Variants in CENPV observed in about 807,000 individuals in gnomAD.
CENPV encodes the protein centromere protein V.
Under a neutral mutation model 26.4 loss-of-function variants are expected in CENPV, and 15 were observed. That is an observed-to-expected ratio of 0.57 (90% CI 0.38 to 0.88). The LOEUF (loss-of-function observed/expected upper bound fraction) is 0.88. Among genes scored for constraint, CENPV ranks in the 40% least tolerant of loss-of-function variants. CENPV has a pLI of 0.00. For synonymous variants in CENPV, 172 were observed against 165.5 expected (o/e 1.04, Z -0.30); for missense variants, 336 against 376.5 (o/e 0.89, Z 0.89).
chr17:16,344,585 C>A lies in CENPV; in HGVS notation c.694+12G>T, dbSNP rs554915057. 4.0e-6 allele frequency: 6 copies of A among 1,513,636 alleles called. No homozygotes were observed. Among genetic ancestry groups the A allele is most frequent in the Non-Finnish European group, 5.4e-6 (6 of 1,117,054 alleles). 93.8% of individuals were successfully genotyped at this position (1,513,636 alleles called of 1,614,324 possible). On this transcript the variant is annotated intron_variant, in intron 4 of 4. Transcript: ENST00000299736. ...TGTCCCCCTGAGCTTGCAGTCCATC[C>A]CCTTTACTCACCGAAGCCTCCGGGG...
chr17:16,345,386 T>G (rs1043469590), intron 3 of CENPV, among the ~76,000 whole-genome samples: 3 of 149,586 alleles, frequency 2.0e-5, no homozygotes, highest in Non-Finnish European at 4.4e-5. Flanking sequence ...CTGGGCAACA[T>G]GGCAAAACCC....
chr17:16,342,703 A>T lies in CENPV; in HGVS notation c.*114T>A. The T allele has an allele frequency of 7.7e-7, 1 of 1,301,672 alleles. No individual in the cohort carries two copies. The highest frequency in any genetic ancestry group is 1.1e-6 in the Non-Finnish European group (1 of 919,388). The allele number at this position is 1,301,672 out of a possible 1,614,324, so 80.6% of individuals were successfully genotyped here. A position where few individuals can be genotyped will look rare whatever the true frequency, so the allele number is the denominator to read the frequency against. ...GCAGAGATCAAGATGACCCTAGTCA[A>T]CGGAACCAGCAGCCCAGGTCAGCCA... On this transcript the variant is annotated 3_prime_UTR_variant, in exon 5 of 5. Transcript: ENST00000299736.
chr17:16,349,479 G>T, intron 2 of CENPV: 1 of 986,736 alleles, frequency 1.0e-6, no homozygotes, highest in Non-Finnish European at 1.2e-6. Context: ...AGTGCCATCT[G>T]CCTCAACCGA....
intron 2 of CENPV, chr17:16,348,977 TG>T: frequency 9.1e-7 from 1 of 1,097,802 alleles, no homozygotes. Context: ...AGAGAAGCGC[TG>T]GACTTCAGAG....
In CENPV at chr17:16,342,842, G is replaced by A. The variant is rs200571765; in HGVS notation, c.794C>T (p.Thr265Ile). ...TCACTCTTTAGACATGTTCTTGATGGTCTTGTGCTCTTTCATGGCCTTCTC... is the reference window on the plus strand; with the variant it reads ...TCACTCTTTAGACATGTTCTTGATGATCTTGTGCTCTTTCATGGCCTTCTC... ...DWEKAMKEHKTIKNMSKE is the reference protein window; with the variant it reads ...DWEKAMKEHKIIKNMSKE The change falls in exon 5 of 5, where the codon ACC becomes ATC. Residue 265 changes from threonine (T) to isoleucine (I), a missense_variant. By Grantham distance (89) the Thr-to-Ile change is moderately conservative. Transcript: ENST00000299736. 2 of 1,614,086 alleles carry A rather than the reference G, an allele frequency of 1.2e-6. No individual in the cohort carries two copies. Among genetic ancestry groups the A allele is most frequent in the Non-Finnish European group, 8.5e-7 (1 of 1,180,028 alleles).
rs887096690 is a variant in CENPV, at chr17:16,349,410, GT to G, written c.509+520del. ...TTGGGTCCCAAAGCCAGAGCCTGTC[GT>G]CCCTGCTCCATCATAACGCCGGGGA... On this transcript the variant is annotated intron_variant, in intron 2 of 4. Coordinates refer to ENST00000299736, the MANE Select transcript of CENPV (RefSeq NM_181716.3). 11 of 985,882 alleles carry G rather than the reference GT, an allele frequency of 1.1e-5. No homozygotes were observed. In the African/African-American group the frequency reaches 1.9e-4, roughly 17 times the overall value. 61.1% of individuals were successfully genotyped at this position (985,882 alleles called of 1,614,324 possible).
Position 16,353,067 on chromosome 17 carries a change from G to C in CENPV, c.370C>G (p.Leu124Val). The change falls in exon 1 of 5, where the codon CTT (leucine) becomes GTT (valine). Residue 124 changes from leucine (L) to valine (V), a missense_variant. Leu to Val is a conservative substitution (Grantham distance 32). Transcript: ENST00000299736. ...RWETFQKRQK[L>V]TSEGAAKLLL... The stretch of plus-strand genomic sequence containing the variant: ...AGCTTGGCGGCACCCTCGGAGGTAA[G>C]CTTCTGCCGCTTCTGGAACGTCTCC... 6.3e-7 allele frequency: 1 copy of C among 1,578,836 alleles called. No homozygotes were observed. Among genetic ancestry groups the C allele is most frequent in the South Asian group, 1.1e-5 (1 of 89,216 alleles).
intron 4 of CENPV, 144 bp downstream of exon 4, chr17:16,344,453 G>A (rs763316208): frequency 7.2e-6 from 3 of 415,404 alleles, no homozygotes; most frequent in South Asian, 8.8e-5. Flanking sequence ...TGTGGAAAGC[G>A]CTCTGCTGAG....
intron 4 of CENPV, among the ~76,000 whole-genome samples, chr17:16,343,791 A>G (rs1371498285): frequency 3.4e-5 from 3 of 87,136 alleles, no homozygotes; most frequent in African/African-American, 1.5e-4. Flanking sequence ...TCCGCTCCCC[A>G]CCACCATAAG....
chr17:16,352,951 C>T, intron 1 of CENPV, 76 bp downstream of exon 1: 4 of 1,434,036 alleles, frequency 2.8e-6, no homozygotes, highest in Non-Finnish European at 3.6e-6. Context: ...GGCCTGCACG[C>T]GGGCTGCGAG....
intron 3 of CENPV, among the ~76,000 whole-genome samples, chr17:16,345,423 A>G (rs761377906): frequency 6.6e-6 from 1 of 151,490 alleles, no homozygotes; most frequent in Non-Finnish European, 1.5e-5. Flanking sequence ...TATAAAAATT[A>G]GCCAGGTGCA....
At chr17:16,348,103 A>G (rs533669356) in intron 3 of CENPV, 2 of 152,640 alleles carry the variant, frequency 1.3e-5, no homozygotes, top group Non-Finnish European at 2.9e-5. Flanking sequence ...ATGTTTCCAC[A>G]ATACCAAATA....
chr17:16,347,248 G>A (rs2093210858), intron 3 of CENPV, among the ~76,000 whole-genome samples: 1 of 152,160 alleles, frequency 6.6e-6, no homozygotes, highest in Non-Finnish European at 1.5e-5. Flanking sequence ...AGGGGAAGGG[G>A]TGGAGGTTTC....
At chr17:16,351,711 G>C (rs1440600542) in intron 1 of CENPV, 1 of 152,148 alleles carries the variant, frequency 6.6e-6, no homozygotes, top group Non-Finnish European at 1.5e-5. Context: ...TGGCAATCTA[G>C]TGGGAGAAAA....
intron 3 of CENPV, 51 bp from the exon 4 acceptor site, chr17:16,344,762 T>TTTAA (rs764903017): frequency 2.1e-6 from 2 of 965,558 alleles, no homozygotes; most frequent in Non-Finnish European, 1.5e-6. Context: ...GATTTATTTA[T>TTTAA]TTAATTTATT....
In CENPV at chr17:16,353,109, C is replaced by T; in HGVS notation, c.328G>A (p.Glu110Lys). ...TSSASNLDLGEQRERWETFQK... is the reference protein window; with the variant it reads ...TSSASNLDLGKQRERWETFQK... ...AACGTCTCCCAGCGCTCCCGCTGCT[C>T]GCCCAGGTCCAGGTTGGACGCCGAG... is the stretch of plus-strand genomic sequence containing the variant. Residue 110 changes from glutamate (E) to lysine (K), a missense_variant, in exon 1 of 5, where the codon GAG becomes AAG. By Grantham distance (56) the Glu-to-Lys change is moderately conservative (BLOSUM62 1). Around this residue, in one of 2 missense-constraint regions of CENPV, gnomAD observed 155 missense variants for 227.8 expected, o/e 0.68. Transcript: ENST00000299736. 6.4e-7 allele frequency: 1 copy of T among 1,563,958 alleles called. No homozygotes were observed. The highest frequency in any genetic ancestry group is 1.4e-5 in the African/African-American group (1 of 70,634).
intron 1 of CENPV, chr17:16,351,500 A>AT (rs1044812273): frequency 2.6e-5 from 4 of 152,226 alleles, no homozygotes; most frequent in African/African-American, 7.2e-5. Flanking sequence ...CATAATGCTT[A>AT]TTGTAAAAAC....
Position 16,342,861 on chromosome 17 carries a change from C to T in CENPV, c.775G>A (p.Ala259Thr). The T allele has an allele frequency of 1.2e-6, 2 of 1,614,096 alleles. No individual in the cohort carries two copies. The highest frequency in any genetic ancestry group is 1.7e-6 in the Non-Finnish European group (2 of 1,180,028). The change falls in exon 5 of 5, where the codon GCC becomes ACC. Residue 259 changes from alanine (A) to threonine (T), a missense_variant. Coordinates refer to ENST00000299736, the MANE Select transcript of CENPV (RefSeq NM_181716.3). ...TTGATGGTCTTGTGCTCTTTCATGGCCTTCTCCCAATCGCTGCCATTGAAT... is the reference window on the plus strand; with the variant it reads ...TTGATGGTCTTGTGCTCTTTCATGGTCTTCTCCCAATCGCTGCCATTGAAT... ...EEFNGSDWEK[A>T]MKEHKTIKNM...
In CENPV at chr17:16,344,610, G is replaced by T; in HGVS notation, c.681C>A (p.Asn227Lys). ...CCCTTTACTCACCGAAGCCTCCGGG[G>T]TTTGATCGTGGAGTATAGAAGCTCT... ...GVQSFYTPRS[N>K]PGGFGIAPHC... The change falls in exon 4 of 5, where the codon AAC (asparagine) becomes AAA (lysine). Residue 227 changes from asparagine to lysine, a missense_variant. By Grantham distance (94) the Asn-to-Lys change is moderately conservative. Around this residue, in one of 2 missense-constraint regions of CENPV, gnomAD observed 155 missense variants for 227.8 expected, o/e 0.68. Transcript: ENST00000299736. 1 of 1,581,368 alleles carries T rather than the reference G, an allele frequency of 6.3e-7. No individual in the cohort carries two copies.
Sources: gnomAD v4.1 joint callset for allele counts (sites outside exome capture counted in the v4.1 genomes callset) on GRCh38, gnomAD v4.1.1 for gene constraint, gnomAD v4.1.1 regional missense constraint, MANE v1.5 for transcripts, NCBI Gene and HGNC (gene_info 2026-07-23, HGNC 2026-07-21) for gene names.